The following OR51B5 variants were observed in gnomAD, a reference collection of about 807,000 sequenced individuals.
OR51B5 encodes the protein olfactory receptor 51B5.
For synonymous variants in OR51B5, 186 were observed against 144.8 expected, an observed-to-expected ratio of 1.28 and a Z score of -2.04; for missense variants, 456 against 374.6, an observed-to-expected ratio of 1.22 and a Z score of -1.79.
intron 1 of OR51B5, among the ~76,000 whole-genome samples, chr11:5,426,599 C>T (rs149501036): frequency 2.1e-3 from 325 of 152,092 alleles, no homozygotes; most frequent in African/African-American, 7.5e-3. Context: ...TTTCTCATGG[C>T]GGTGTGGATT....
At chr11:5,422,726 C>A (rs201548816) in intron 1 of OR51B5, 6 of 1,614,046 alleles carry the variant, frequency 3.7e-6, no homozygotes, top group Non-Finnish European at 4.2e-6. Context: ...CTCCCACCTT[C>A]TCTCTCGCTC....
At chr11:5,409,852 TA>T (rs1446257910) in intron 1 of OR51B5, among the ~76,000 whole-genome samples, 1 of 152,102 alleles carries the variant, frequency 6.6e-6, no homozygotes, top group African/African-American at 2.4e-5. Context: ...ATATCATATT[TA>T]AATTAACAGA....
At chr11:5,469,697 G>A (rs1469112298) in intron 1 of OR51B5, among the ~76,000 whole-genome samples, 4 of 152,096 alleles carry the variant, frequency 2.6e-5, no homozygotes, top group Non-Finnish European at 4.4e-5. Flanking sequence ...TTTTTCTTGT[G>A]TCTATATAGT....
chr11:5,399,158 T>C (rs1849928582), intron 1 of OR51B5, among the ~76,000 whole-genome samples: 1 of 152,202 alleles, frequency 6.6e-6, no homozygotes, highest in South Asian at 2.1e-4. Context: ...AGTTTTGCCA[T>C]CATATTATCT....
chr11:5,491,679 A>G (rs1011171502), intron 1 of OR51B5, among the ~76,000 whole-genome samples: 1 of 152,020 alleles, frequency 6.6e-6, no homozygotes, highest in Non-Finnish European at 1.5e-5. Context: ...ATCTCAATCA[A>G]TTGTTACTGA....
intron 1 of OR51B5, chr11:5,389,434 G>T: frequency 6.2e-7 from 1 of 1,613,882 alleles, no homozygotes; most frequent in Non-Finnish European, 8.5e-7. Context: ...CTCAATTCAT[G>T]CTGCTATCCA....
chr11:5,380,239 G>GTAAACC (rs1849589488), intron 1 of OR51B5, among the ~76,000 whole-genome samples: 1 of 152,192 alleles, frequency 6.6e-6, no homozygotes, highest in African/African-American at 2.4e-5. Context: ...AGACTTCTCT[G>GTAAACC]TAAACCTTCC....
At chr11:5,393,190 A>G (rs147372103) in intron 1 of OR51B5, 18 of 152,312 alleles carry the variant, frequency 1.2e-4, no homozygotes, top group African/African-American at 4.1e-4. Flanking sequence ...CTCCTAGGTC[A>G]GTGATCAATA....
At chr11:5,347,574 CAATGAGATAA>C (rs1849012573), upstream of OR51B5, among the ~76,000 whole-genome samples, 1 of 152,106 alleles carries the variant, frequency 6.6e-6, no homozygotes, top group South Asian at 2.1e-4. Flanking sequence ...CTATGAAATG[CAATGAGATAA>C]AATAATTCCA....
intron 1 of OR51B5, among the ~76,000 whole-genome samples, chr11:5,358,897 T>G (rs1172581201): frequency 6.6e-6 from 1 of 151,888 alleles, no homozygotes; most frequent in Non-Finnish European, 1.5e-5. Context: ...AAAAACCACA[T>G]GATTATCTCA....
Position 5,416,364 on chromosome 11 carries a change from C to T in OR51B5, n.85-69454G>A, listed in dbSNP as rs1200542851. 3.3e-5 allele frequency among the ~76,000 whole-genome samples: 5 copies of T among 152,008 alleles called. No individual in the cohort carries two copies. The South Asian group carries it at 6.3e-4, about 19-fold the overall frequency. On this transcript the variant is annotated intron_variant and non_coding_transcript_variant, in intron 1 of 4. Transcript: ENST00000415970. ...TGGAAGCATTCCCTTTGAAAACTGG[C>T]ACAAGACAAGGATGCCCTCTCTCAC...
At chr11:5,397,040 T>C (rs978148166) in intron 1 of OR51B5, among the ~76,000 whole-genome samples, 1 of 152,212 alleles carries the variant, frequency 6.6e-6, no homozygotes, top group Non-Finnish European at 1.5e-5. Flanking sequence ...TTACACCTTA[T>C]ACAAAAATTA....
chr11:5,437,086 A>T (rs1850605020), intron 1 of OR51B5, among the ~76,000 whole-genome samples: 1 of 152,180 alleles, frequency 6.6e-6, no homozygotes. Flanking sequence ...ATAAAAAGAT[A>T]AGAAAAAGCA....
chr11:5,351,616 C>G, intron 1 of OR51B5: 1 of 1,614,096 alleles, frequency 6.2e-7, no homozygotes, highest in Non-Finnish European at 8.5e-7. Context: ...CATCTCCATA[C>G]TTCTTGGCAA....
chr11:5,345,998 C>T (rs552702318), upstream of OR51B5: 1 of 152,306 alleles, frequency 6.6e-6, no homozygotes, highest in East Asian at 1.9e-4. Flanking sequence ...CTTAGCTCCT[C>T]CCCTTCTGTG....
chr11:5,359,801 G>C (rs988109519), intron 1 of OR51B5, among the ~76,000 whole-genome samples: 3 of 151,672 alleles, frequency 2.0e-5, no homozygotes, highest in African/African-American at 7.3e-5. Flanking sequence ...CAGAGATATA[G>C]ACCAATGGAA....
At chr11:5,429,787 T>C (rs1253230268) in intron 1 of OR51B5, among the ~76,000 whole-genome samples, 5 of 152,206 alleles carry the variant, frequency 3.3e-5, no homozygotes, top group Non-Finnish European at 7.3e-5. Context: ...GGAACAGTGA[T>C]ATCAGACTTA....
At chr11:5,467,487 C>A (rs1456017505) in intron 1 of OR51B5, among the ~76,000 whole-genome samples, 2 of 152,202 alleles carry the variant, frequency 1.3e-5, no homozygotes, top group Non-Finnish European at 2.9e-5. Context: ...ATTCCCTAAT[C>A]ATCCATTGGA....
At chr11:5,455,861 T>C (rs1590006448) in intron 1 of OR51B5, 1 of 152,194 alleles carries the variant, frequency 6.6e-6, no homozygotes, top group Non-Finnish European at 1.5e-5. Flanking sequence ...CAATAATATA[T>C]GTGTCCTGGC....
Sources: gnomAD v4.1 joint callset for allele counts (sites outside exome capture counted in the v4.1 genomes callset) on GRCh38, gnomAD v4.1.1 for gene constraint, MANE v1.5 for transcripts, NCBI Gene and HGNC (gene_info 2026-07-23, HGNC 2026-07-21) for gene names.